The following SLC26A11 variants were observed in gnomAD, a reference collection of about 807,000 sequenced individuals.
SLC26A11 encodes the protein solute carrier family 26 member 11.
SLC26A11 carries 58 observed loss-of-function variants against 62.2 expected under a neutral mutation model. The ratio of observed to expected loss-of-function variants is 0.93; its 90% confidence interval spans 0.76 to 1.16. The LOEUF is 1.16. Among genes scored for constraint, SLC26A11 ranks in the 50% most tolerant of loss-of-function variants. The probability of loss-of-function intolerance (pLI) is 0.00; values close to 1 mark genes in which losing one functional copy is unlikely to be tolerated. For missense variants in SLC26A11, 790 were observed against 794.3 expected, an observed-to-expected ratio of 0.99 and a Z score of 0.06; for synonymous variants, 411 against 368.9, an observed-to-expected ratio of 1.11 and a Z score of -1.31.
chr17:80,249,749 T>C (rs1330273437), intron 16 of SLC26A11, among the ~76,000 whole-genome samples: 3 of 134,574 alleles, frequency 2.2e-5, no homozygotes, highest in Non-Finnish European at 3.3e-5. Context: ...CTACTAAAAA[T>C]ACAAAAAAAA....
In SLC26A11 at chr17:80,249,275, T is replaced by C; in HGVS notation, c.1644T>C (p.Phe548=). 1 of 1,610,534 alleles carries C rather than the reference T, an allele frequency of 6.2e-7. No individual in the cohort carries two copies. Among genetic ancestry groups the C allele is most frequent in the Non-Finnish European group, 8.5e-7 (1 of 1,179,990 alleles). ...AGAAGCAGGGCGTCGCCCTGGCCTT[T>C]GTGGGCCTGCAGGTGGGTGTGCACT... ...DFQKQGVALA[F]VGLQVPVLRV... Residue 548 remains phenylalanine (F), a synonymous_variant, in exon 16 of 18, where the codon TTT becomes TTC. Coordinates refer to ENST00000361193, the MANE Select transcript of SLC26A11 (RefSeq NM_001166347.2).
chr17:80,249,498 C>T (rs1033573934), intron 16 of SLC26A11, among the ~76,000 whole-genome samples: 20 of 152,218 alleles, frequency 1.3e-4, no homozygotes, highest in Non-Finnish European at 2.2e-4. Context: ...CCCAGCCCTC[C>T]GAGGGGTCAC....
Position 80,248,270 on chromosome 17 carries a change from G to A in SLC26A11, c.1422+13G>A. ...GCCTGAGACCAAGGTACCCCTCCGTGGCCTCTGAGTGGGGAGTGTGCTGGG... is the reference window on the plus strand; with the variant it reads ...GCCTGAGACCAAGGTACCCCTCCGTAGCCTCTGAGTGGGGAGTGTGCTGGG... On this transcript the variant is annotated intron_variant, in intron 14 of 17. Transcript: ENST00000361193. 1 of 1,604,138 alleles carries A rather than the reference G, an allele frequency of 6.2e-7. No homozygotes were observed. The highest frequency in any genetic ancestry group is 8.5e-7 in the Non-Finnish European group (1 of 1,177,134).
At chr17:80,226,104 A>G (rs7224212) in intron 6 of SLC26A11, among the ~76,000 whole-genome samples, 188 bp downstream of exon 6, 39,473 of 151,914 alleles carry the variant, frequency 0.26, 5,736 homozygotes, top group Admixed American at 0.44. Flanking sequence ...CTGCCCTATC[A>G]GAGCCACAGT....
intron 2 of SLC26A11, 24 bp from the exon 3 acceptor site, chr17:80,221,524 G>T: frequency 6.7e-7 from 1 of 1,495,424 alleles, no homozygotes. Flanking sequence ...CTGACTGCTG[G>T]TCTGTGTCAC....
intron 5 of SLC26A11, among the ~76,000 whole-genome samples, chr17:80,224,199 G>A (rs1052271081): frequency 8.2e-5 from 10 of 121,858 alleles, no homozygotes; most frequent in African/African-American, 2.5e-4. Context: ...ATGAGTGTGT[G>A]TGAGTGTGTG....
In SLC26A11 at chr17:80,227,806, G is replaced by A; in HGVS notation, c.594-12G>A. 1 of 1,603,576 alleles carries A rather than the reference G, an allele frequency of 6.2e-7. No individual in the cohort carries two copies. The highest frequency in any genetic ancestry group is 1.7e-5 in the Admixed American group (1 of 60,022). On this transcript the variant is annotated splice_polypyrimidine_tract_variant and intron_variant, in intron 6 of 17. Coordinates refer to ENST00000361193, the MANE Select transcript of SLC26A11 (RefSeq NM_001166347.2). The stretch of plus-strand genomic sequence containing the variant: ...CGAGCTGGGTGGTGACCAGTCCTCT[G>A]CCTGTCCACAGGGTAGGTGACGCCG...
At chr17:80,248,088 C>G in intron 13 of SLC26A11, 42 bp from the exon 14 acceptor site, 1 of 1,562,122 alleles carries the variant, frequency 6.4e-7, no homozygotes. Context: ...GTTGGGGCCT[C>G]GGGCAGCTGC....
Position 80,246,207 on chromosome 17 carries a change from C to T in SLC26A11, c.1151C>T (p.Thr384Met), listed in dbSNP as rs537929586. The T allele has an allele frequency of 3.1e-5, 50 of 1,610,346 alleles. No individual in the cohort carries two copies. The highest frequency in any genetic ancestry group is 2.8e-4 in the South Asian group (25 of 90,804). Residue 384 changes from threonine to methionine, a missense_variant and splice_region_variant, in exon 12 of 18, where the codon ACG becomes ATG. Physicochemically the swap from Thr to Met is moderately conservative, Grantham distance 81. Coordinates refer to ENST00000361193, the MANE Select transcript of SLC26A11 (RefSeq NM_001166347.2). The surrounding 1 kb of genome is among the most constrained non-coding windows in gnomAD (Gnocchi z 4.4). Reference sequence around the variant, plus strand: ...TGCACCCCGGCGGGGGGCCTGGTGACGGGTAAGGCCCCCCATCTTCCCCTT... The same window carrying T: ...TGCACCCCGGCGGGGGGCCTGGTGATGGGTAAGGCCCCCCATCTTCCCCTT... ...GVCTPAGGLV[T>M]GVLVLLSLDY...
chr17:80,240,533 T>C (rs1442982463), intron 9 of SLC26A11, among the ~76,000 whole-genome samples: 1 of 152,180 alleles, frequency 6.6e-6, no homozygotes, highest in Non-Finnish European at 1.5e-5. Flanking sequence ...CCGGGTGCAG[T>C]GGCTCACGTC....
intron 9 of SLC26A11, among the ~76,000 whole-genome samples, chr17:80,239,619 T>C (rs139045963): frequency 0.14 from 21,203 of 151,110 alleles, 2,209 homozygotes; most frequent in African/African-American, 0.29. Context: ...CCTCGTGATC[T>C]GCCTGCCTTA....
chr17:80,225,890 C>G lies in SLC26A11; in HGVS notation c.567C>G (p.His189Gln), dbSNP rs1469119731. ...IPRPFFLQVY[H>Q]TFLRIAETRV... ...GGCCGTTCTTCCTGCAGGTGTACCA[C>G]ACCTTCCTCAGGATTGCAGAGACCA... The change falls in exon 6 of 18, where the codon CAC becomes CAG. Residue 189 changes from histidine to glutamine, a missense_variant. Physicochemically the swap from His to Gln is conservative, Grantham distance 24. Coordinates refer to ENST00000361193, the MANE Select transcript of SLC26A11 (RefSeq NM_001166347.2). 1 of 1,614,056 alleles carries G rather than the reference C, an allele frequency of 6.2e-7. No homozygotes were observed. Among genetic ancestry groups the G allele is most frequent in the Admixed American group, 1.7e-5 (1 of 60,020 alleles).
rs78158379 is a variant in SLC26A11, at chr17:80,228,053, A to G, written c.736+93A>G. ...GTCCCACCCTAGGGATTCTCACGTCATTGGTCTGGGTGTCACTTGAGCATT... is the reference window on the plus strand; with the variant it reads ...GTCCCACCCTAGGGATTCTCACGTCGTTGGTCTGGGTGTCACTTGAGCATT... On this transcript the variant is annotated intron_variant, in intron 7 of 17. Transcript: ENST00000361193. This position sits in a 1 kb window ranked among gnomAD's most constrained non-coding sequence, Gnocchi z 4.1. 13,933 of 1,201,622 alleles carry G rather than the reference A, an allele frequency of 0.012. 150 individuals carry two copies. Among genetic ancestry groups the G allele is most frequent in the South Asian group, 0.03 (2,212 of 72,576 alleles). The allele number at this position is 1,201,622 out of a possible 1,614,324, so 74.4% of individuals were successfully genotyped here.
chr17:80,248,381 C>A, intron 14 of SLC26A11, 124 bp downstream of exon 14: 1 of 1,384,382 alleles, frequency 7.2e-7, no homozygotes, highest in Non-Finnish European at 9.7e-7. Context: ...CGCTCGCTGG[C>A]AGGTGGGCAG....
At position 80,223,402 on chromosome 17, in the gene SLC26A11, G is replaced by A; in HGVS notation, c.513+65G>A. On this transcript the variant is annotated intron_variant, in intron 5 of 17. Coordinates refer to ENST00000361193, the MANE Select transcript of SLC26A11 (RefSeq NM_001166347.2). The surrounding 1 kb of genome is among the most constrained non-coding windows in gnomAD (Gnocchi z 4.6). The stretch of plus-strand genomic sequence containing the variant: ...CTGCTCGTTGGCACAGGGATGGCGG[G>A]AGCAGGACTGAGGCCAGTCCTGATC... 1 of 1,461,912 alleles carries A rather than the reference G, an allele frequency of 6.8e-7. No individual in the cohort carries two copies. The highest frequency in any genetic ancestry group is 9.5e-7 in the Non-Finnish European group (1 of 1,051,502). The allele number at this position is 1,461,912 out of a possible 1,614,324, so 90.6% of individuals were successfully genotyped here. A position where few individuals can be genotyped will look rare whatever the true frequency, so the allele number is the denominator to read the frequency against.
At position 80,252,331 on chromosome 17, in the gene SLC26A11, T is replaced by C. The variant is rs986631430; in HGVS notation, c.1730-294T>C. Among the ~76,000 whole-genome samples the C allele has an allele frequency of 6.6e-6, 1 of 152,092 alleles. No individual in the cohort carries two copies. Among genetic ancestry groups the C allele is most frequent in the South Asian group, 2.1e-4 (1 of 4,822 alleles). ...TCAGGGAGATTCACCCATGTTGTTG[T>C]AGAATCAGCTCAGATGCAGTGCACT... On this transcript the variant is annotated intron_variant, in intron 17 of 17. Transcript: ENST00000361193. The surrounding 1 kb of genome is among the most constrained non-coding windows in gnomAD (Gnocchi z 5.2).
At chr17:80,248,765 C>G in intron 15 of SLC26A11, 91 bp downstream of exon 15, 1 of 1,276,404 alleles carries the variant, frequency 7.8e-7, no homozygotes, top group Non-Finnish European at 1.1e-6. Context: ...ACCCTGTCCC[C>G]AACGCTCTCC....
chr17:80,230,932 G>C (rs539501009), intron 7 of SLC26A11, among the ~76,000 whole-genome samples: 2 of 152,042 alleles, frequency 1.3e-5, no homozygotes, highest in Admixed American at 1.3e-4. Context: ...AAGGCCACAC[G>C]ACTGGGAAGA....
At chr17:80,244,891 G>A (rs1299698553) in intron 10 of SLC26A11, among the ~76,000 whole-genome samples, 1 of 148,884 alleles carries the variant, frequency 6.7e-6, no homozygotes, top group Admixed American at 6.9e-5. Flanking sequence ...CAGGAGAATC[G>A]CTTGAACTGG....
Sources: allele counts gnomAD v4.1 joint callset (sites outside exome capture counted in the v4.1 genomes callset), GRCh38; gene constraint gnomAD v4.1.1; non-coding constraint Gnocchi (gnomAD v3.1); transcripts MANE v1.5; gene names NCBI Gene and HGNC (gene_info 2026-07-23, HGNC 2026-07-21).